CLPTM1: variants seen among roughly 807,000 people sequenced by gnomAD.
The protein encoded by CLPTM1 is CLPTM1 regulator of GABA type A receptor forward trafficking, also known as putative lipid scramblase CLPTM1.
Under a neutral mutation model 77.3 loss-of-function variants are expected in CLPTM1, and 21 were observed. The observed-to-expected ratio is 0.27, with a 90% CI of 0.19 to 0.39. The LOEUF is 0.39. CLPTM1 is among the 10% of genes least tolerant of loss of function. The pLI, the probability that CLPTM1 is intolerant of heterozygous loss-of-function variation, is 1.00. For synonymous variants in CLPTM1, 373 were observed against 381.0 expected, an observed-to-expected ratio of 0.98 and a Z score of 0.24; for missense variants, 642 against 921.2, an observed-to-expected ratio of 0.70 and a Z score of 3.92.
chr19:44,982,857 T>G (rs1970919918), intron 5 of CLPTM1, among the ~76,000 whole-genome samples: 1 of 152,094 alleles, frequency 6.6e-6, no homozygotes, highest in African/African-American at 2.4e-5. Context: ...GAGGTTAGAA[T>G]TTGAGACCAG....
intron 2 of CLPTM1, among the ~76,000 whole-genome samples, chr19:44,972,127 C>T (rs1057193241): frequency 7.9e-5 from 12 of 151,884 alleles, no homozygotes; most frequent in African/African-American, 2.9e-4. Flanking sequence ...CTTCAGCCTC[C>T]CAAAGTTACA....
At chr19:44,958,074 G>A (rs1378332627) in intron 1 of CLPTM1, among the ~76,000 whole-genome samples, 1 of 152,080 alleles carries the variant, frequency 6.6e-6, no homozygotes, top group African/African-American at 2.4e-5. Context: ...TGAGGGGTGG[G>A]TAGAAGAGTT....
chr19:44,975,554 GTT>G (rs994649493), intron 4 of CLPTM1, among the ~76,000 whole-genome samples: 55 of 147,854 alleles, frequency 3.7e-4, no homozygotes, highest in African/African-American at 1.3e-3. Context: ...AGTCATTCTG[GTT>G]TTTTTTTTTG....
At chr19:44,972,360 G>A (rs1039886236) in intron 2 of CLPTM1, among the ~76,000 whole-genome samples, 28 of 151,526 alleles carry the variant, frequency 1.8e-4, no homozygotes, top group Non-Finnish European at 3.8e-4. Context: ...CCATTCTCCT[G>A]CCTCAGCCTC....
intron 3 of CLPTM1, among the ~76,000 whole-genome samples, chr19:44,973,828 A>G (rs1970763000): frequency 7.3e-6 from 1 of 137,676 alleles, no homozygotes; most frequent in Non-Finnish European, 1.5e-5. Context: ...CAGTGGCATA[A>G]TCTTAGCTCA....
At chr19:44,978,409 CAA>C (rs56071173) in intron 5 of CLPTM1, among the ~76,000 whole-genome samples, 3 of 138,874 alleles carry the variant, frequency 2.2e-5, no homozygotes, top group African/African-American at 2.7e-5. Flanking sequence ...GTCTCCGTCT[CAA>C]AAAAAAAAAA....
At position 44,985,891 on chromosome 19, in the gene CLPTM1, C is replaced by T. The variant is rs549922735; in HGVS notation, c.673-564C>T. On this transcript the variant is annotated intron_variant, in intron 6 of 13. Transcript: ENST00000337392. ...AGCCTGCTGTCATGAGGCTGGGCTT[C>T]GCAGCCTGGCCTAGGATGCCAGCCC... is the stretch of plus-strand genomic sequence containing the variant. Among the ~76,000 whole-genome samples, 346 of 152,280 alleles carry T rather than the reference C, an allele frequency of 2.3e-3. 1 individual carries two copies. The highest frequency in any genetic ancestry group is 7.7e-3 in the African/African-American group (322 of 41,558).
rs2734672 is a variant in CLPTM1, at chr19:44,972,291, A to T, written c.186-796A>T. 2.7e-3 allele frequency among the ~76,000 whole-genome samples: 409 copies of T among 149,372 alleles called. 2 individuals are homozygous for T. Among genetic ancestry groups the T allele is most frequent in the Admixed American group, 0.012 (174 of 14,640 alleles). ...GAGATGGAGTCTCGCTCTGTTGCCC[A>T]GGCTGGAGTGCAGTGGCGCGATCTT... is the stretch of plus-strand genomic sequence containing the variant. On this transcript the variant is annotated intron_variant, in intron 2 of 13. Transcript: ENST00000337392.
In CLPTM1 at chr19:44,973,670, A is replaced by G. The variant is rs932500984; in HGVS notation, c.309+460A>G. Among the ~76,000 whole-genome samples, 8 of 151,704 alleles carry G rather than the reference A, an allele frequency of 5.3e-5. No individual in the cohort carries two copies. In the East Asian group the frequency reaches 1.5e-3, roughly 29 times the overall value. On this transcript the variant is annotated intron_variant, in intron 3 of 13. Coordinates refer to ENST00000337392, the MANE Select transcript of CLPTM1 (RefSeq NM_001294.4). ...CAGGGCTTCAGGAGCCTCCAGAGCAAAAGCATTTAGATCTGTCAGTCTAGG... is the reference window on the plus strand; with the variant it reads ...CAGGGCTTCAGGAGCCTCCAGAGCAGAAGCATTTAGATCTGTCAGTCTAGG...
chr19:44,976,039 G>C (rs761960380), intron 4 of CLPTM1, among the ~76,000 whole-genome samples: 1 of 152,026 alleles, frequency 6.6e-6, no homozygotes, highest in Non-Finnish European at 1.5e-5. Context: ...ATTTTTTGTA[G>C]AGATGGGGTC....
rs1305107101 is a variant in CLPTM1, at chr19:44,987,593, C to T, written c.1038+170C>T. The T allele has an allele frequency of 4.6e-6, 4 of 865,512 alleles. No homozygotes were observed. In the East Asian group the frequency reaches 8.0e-5, roughly 17 times the overall value. The allele number at this position is 865,512 out of a possible 1,614,324, so 53.6% of individuals were successfully genotyped here. On this transcript the variant is annotated intron_variant, in intron 8 of 13. Transcript: ENST00000337392. ...ACAGTGAAAGGAAGTGGGCACCCAG[C>T]CCTCCAGCCCTAGATGACTGGGGGT...
At chr19:44,962,176 G>A (rs1189301775) in intron 2 of CLPTM1, 101 bp downstream of exon 2, 5 of 546,544 alleles carry the variant, frequency 9.1e-6, no homozygotes, top group African/African-American at 2.0e-5. Flanking sequence ...GATCATTACT[G>A]TATGGTAGAG....
chr19:44,987,785 C>T, intron 8 of CLPTM1: 1 of 560,990 alleles, frequency 1.8e-6, no homozygotes, highest in South Asian at 2.1e-5. Context: ...GGCTTTGCCT[C>T]CTGGGCTGTC....
At chr19:44,969,153 C>T (rs1336406314) in intron 2 of CLPTM1, among the ~76,000 whole-genome samples, 1 of 152,170 alleles carries the variant, frequency 6.6e-6, no homozygotes, top group Non-Finnish European at 1.5e-5. Context: ...GCACCAGGCT[C>T]CATTCTGAGG....
chr19:44,976,734 G>A (rs1970811235), intron 4 of CLPTM1, among the ~76,000 whole-genome samples: 1 of 152,156 alleles, frequency 6.6e-6, no homozygotes, highest in Non-Finnish European at 1.5e-5. Flanking sequence ...GGGGCCAGCT[G>A]GAGGTAGCAG....
At chr19:44,980,492 G>A (rs577013191) in intron 5 of CLPTM1, among the ~76,000 whole-genome samples, 1 of 126,626 alleles carries the variant, frequency 7.9e-6, no homozygotes, top group Admixed American at 9.5e-5. Context: ...CTGGGCGACA[G>A]AGCAAGACTC....
At chr19:44,954,865 G>C (rs1160460465), upstream of CLPTM1, 1 of 1,207,484 alleles carries the variant, frequency 8.3e-7, no homozygotes, top group African/African-American at 1.5e-5. Flanking sequence ...GAACGAAAGA[G>C]TTGTCTTAGG....
intron 2 of CLPTM1, among the ~76,000 whole-genome samples, chr19:44,971,837 G>A (rs907107407): frequency 6.6e-6 from 1 of 150,508 alleles, no homozygotes; most frequent in African/African-American, 2.5e-5. Flanking sequence ...GGGATTACAA[G>A]CATGAGCTGC....
chr19:44,990,328 G>C lies in CLPTM1; in HGVS notation c.1133-67G>C. ...GTGAGGATGCAGGCCAAGGGGGCCTGAGGGAGCTGCAGTAGGGTCTCAGCA... is the reference window on the plus strand; with the variant it reads ...GTGAGGATGCAGGCCAAGGGGGCCTCAGGGAGCTGCAGTAGGGTCTCAGCA... On this transcript the variant is annotated intron_variant, in intron 9 of 13. Coordinates refer to ENST00000337392, the MANE Select transcript of CLPTM1 (RefSeq NM_001294.4). This position sits in a 1 kb window ranked among gnomAD's most constrained non-coding sequence, Gnocchi z 4.8. 6.5e-7 allele frequency: 1 copy of C among 1,539,534 alleles called. No homozygotes were observed. The highest frequency in any genetic ancestry group is 8.9e-7 in the Non-Finnish European group (1 of 1,125,728).
Sources: allele counts gnomAD v4.1 joint callset (sites outside exome capture counted in the v4.1 genomes callset), GRCh38; gene constraint gnomAD v4.1.1; non-coding constraint Gnocchi (gnomAD v3.1); transcripts MANE v1.5; gene names NCBI Gene and HGNC (gene_info 2026-07-23, HGNC 2026-07-21).